Variants in PLCL1 observed in about 807,000 individuals in gnomAD.
PLCL1 encodes the protein phospholipase C like 1 (inactive).
Under a neutral mutation model 84.4 loss-of-function variants are expected in PLCL1, and 41 were observed. The ratio of observed to expected loss-of-function variants is 0.49; its 90% CI spans 0.38 to 0.63. The LOEUF (loss-of-function observed/expected upper bound fraction) is 0.63, where lower values mean the gene tolerates loss of function less well. Among genes scored for constraint, PLCL1 ranks in the 30% least tolerant of loss-of-function variants. The pLI is 0.00. For missense variants in PLCL1, 1,206 were observed against 1,367.8 expected, an observed-to-expected ratio of 0.88 and a Z score of 1.87; for synonymous variants, 490 against 488.3, an observed-to-expected ratio of 1.00 and a Z score of -0.05.
At chr2:197,822,283 C>T (rs1292601146) in intron 1 of PLCL1, among the ~76,000 whole-genome samples, 3 of 152,102 alleles carry the variant, frequency 2.0e-5, no homozygotes, top group African/African-American at 7.2e-5. Context: ...GAGTTGCCTC[C>T]CTTACTAGGG....
At chr2:197,838,259 CT>C (rs1248419766) in intron 1 of PLCL1, among the ~76,000 whole-genome samples, 1 of 152,352 alleles carries the variant, frequency 6.6e-6, no homozygotes, top group Middle Eastern at 3.4e-3. Flanking sequence ...GTGTTATAAA[CT>C]GCCTTATGCT....
intron 1 of PLCL1, among the ~76,000 whole-genome samples, chr2:197,863,721 G>A (rs1031519801): frequency 2.6e-5 from 4 of 152,056 alleles, no homozygotes; most frequent in African/African-American, 9.7e-5. Context: ...GAGTGACAGG[G>A]GAAAATTACA....
At chr2:197,904,638 G>A (rs1688340796) in intron 1 of PLCL1, among the ~76,000 whole-genome samples, 1 of 152,184 alleles carries the variant, frequency 6.6e-6, no homozygotes, top group Non-Finnish European at 1.5e-5. Flanking sequence ...GAGTGTAGGA[G>A]TTTAGTGGCT....
At chr2:197,899,426 G>A (rs1347230465) in intron 1 of PLCL1, among the ~76,000 whole-genome samples, 2 of 151,682 alleles carry the variant, frequency 1.3e-5, no homozygotes, top group Non-Finnish European at 2.9e-5. Flanking sequence ...TAATTCAAGA[G>A]GACAGTGTAG....
intron 1 of PLCL1, among the ~76,000 whole-genome samples, chr2:197,941,008 T>C (rs1198713231): frequency 6.6e-6 from 1 of 152,072 alleles, no homozygotes; most frequent in African/African-American, 2.4e-5. Context: ...GATATGCTTT[T>C]TAAGTTAAAA....
chr2:198,039,966 T>A (rs773716258), intron 1 of PLCL1, among the ~76,000 whole-genome samples: 1 of 152,160 alleles, frequency 6.6e-6, no homozygotes, highest in Admixed American at 6.5e-5. Context: ...TTAACCTACA[T>A]GAAAAATATG....
chr2:198,070,709 A>G (rs1296026339), intron 1 of PLCL1, among the ~76,000 whole-genome samples: 2 of 151,916 alleles, frequency 1.3e-5, no homozygotes, highest in Non-Finnish European at 2.9e-5. Context: ...ATTTCAAAAG[A>G]GCCCTTGAAC....
At chr2:198,137,437 A>G (rs936333314) in intron 5 of PLCL1, among the ~76,000 whole-genome samples, 3 of 152,218 alleles carry the variant, frequency 2.0e-5, no homozygotes, top group Non-Finnish European at 2.9e-5. Flanking sequence ...ATAAATGTCA[A>G]TGAAACAAAA....
chr2:197,941,393 G>A (rs961981931), intron 1 of PLCL1, among the ~76,000 whole-genome samples: 3 of 151,960 alleles, frequency 2.0e-5, no homozygotes, highest in Non-Finnish European at 2.9e-5. Flanking sequence ...CCAGGCTTGA[G>A]CAATTTTCCC....
At chr2:197,823,841 T>C (rs1690869648) in intron 1 of PLCL1, among the ~76,000 whole-genome samples, 1 of 152,172 alleles carries the variant, frequency 6.6e-6, no homozygotes, top group South Asian at 2.1e-4. Flanking sequence ...AAAAGTTCTG[T>C]AAACCACTCC....
At chr2:197,970,479 T>C (rs1689840007) in intron 1 of PLCL1, among the ~76,000 whole-genome samples, 1 of 152,206 alleles carries the variant, frequency 6.6e-6, no homozygotes, top group African/African-American at 2.4e-5. Context: ...AATGGAGATA[T>C]ACTATAAGTG....
chr2:197,900,544 G>A lies in PLCL1; in HGVS notation c.240+95205G>A, dbSNP rs1425902777. The stretch of plus-strand genomic sequence containing the variant: ...AGAAGATGCTGTGGGTCTCACCAAT[G>A]TGTGAAAGAATAGTCCTTGGACCTC... On this transcript the variant is annotated intron_variant, in intron 1 of 5. Transcript: ENST00000428675. 2.6e-5 allele frequency among the ~76,000 whole-genome samples: 4 copies of A among 152,216 alleles called. No homozygotes were observed. In the East Asian group the frequency reaches 7.7e-4, roughly 29 times the overall value.
At chr2:197,811,631 C>T (rs1690588766) in intron 1 of PLCL1, among the ~76,000 whole-genome samples, 1 of 152,108 alleles carries the variant, frequency 6.6e-6, no homozygotes, top group South Asian at 2.1e-4. Context: ...CCATATATTT[C>T]TTAATTTGTA....
intron 1 of PLCL1, among the ~76,000 whole-genome samples, chr2:198,051,811 T>C (rs540635738): frequency 1.7e-3 from 257 of 151,356 alleles, no homozygotes; most frequent in African/African-American, 5.9e-3. Flanking sequence ...CTCGGCTCAC[T>C]GCAACCTGTC....
At chr2:198,137,973 T>A (rs964996525) in intron 5 of PLCL1, among the ~76,000 whole-genome samples, 2 of 152,046 alleles carry the variant, frequency 1.3e-5, no homozygotes, top group African/African-American at 4.8e-5. Context: ...ATTGGGAGGA[T>A]TCTCCTGGCA....
At chr2:197,922,500 C>T (rs1451506569) in intron 1 of PLCL1, among the ~76,000 whole-genome samples, 2 of 118,308 alleles carry the variant, frequency 1.7e-5, no homozygotes, top group Non-Finnish European at 3.7e-5. Context: ...CCATTGTCAT[C>T]CTGGCCCGTT....
intron 1 of PLCL1, among the ~76,000 whole-genome samples, chr2:198,010,422 AT>A (rs1217136105): frequency 2.0e-5 from 3 of 151,862 alleles, no homozygotes; most frequent in Non-Finnish European, 2.9e-5. Flanking sequence ...GATTGAGATG[AT>A]CATTTGGTTT....
rs1017327999 is a variant in PLCL1, at chr2:198,013,310, A to G, written c.241-70448A>G. Among the ~76,000 whole-genome samples the G allele has an allele frequency of 3.9e-5, 6 of 152,088 alleles. No individual in the cohort carries two copies. The East Asian group carries it at 5.8e-4, about 15-fold the overall frequency. ...TATCACTCCTGGTTCTAGGTTTTATATATGGTGATATTGAAGATCAGTTTG... is the reference window on the plus strand; with the variant it reads ...TATCACTCCTGGTTCTAGGTTTTATGTATGGTGATATTGAAGATCAGTTTG... On this transcript the variant is annotated intron_variant, in intron 1 of 5. Transcript: ENST00000428675.
intron 1 of PLCL1, among the ~76,000 whole-genome samples, chr2:197,977,684 C>T (rs1173579463): frequency 2.6e-5 from 4 of 152,156 alleles, no homozygotes; most frequent in South Asian, 2.1e-4. Flanking sequence ...CTGAAGCTGG[C>T]GCTGAGTGTG....
Sources: gnomAD v4.1 joint callset for allele counts (sites outside exome capture counted in the v4.1 genomes callset) on GRCh38, gnomAD v4.1.1 for gene constraint, MANE v1.5 for transcripts, NCBI Gene and HGNC (gene_info 2026-07-23, HGNC 2026-07-21) for gene names.